Variants in AHI1 observed in about 807,000 individuals in gnomAD.
AHI1 encodes the protein jouberin.
A neutral mutation model predicts 149.3 loss-of-function variants in AHI1; 123 were observed. That is an observed-to-expected ratio of 0.82 (90% CI 0.71 to 0.96). The LOEUF (loss-of-function observed/expected upper bound fraction) is 0.96, where lower values mean the gene tolerates loss of function less well. Among genes scored for constraint, AHI1 ranks in the 40% least tolerant of loss-of-function variants. The pLI, the probability that AHI1 is intolerant of heterozygous loss-of-function variation, is 0.00. For synonymous variants in AHI1, 475 were observed against 459.8 expected, an observed-to-expected ratio of 1.03 and a Z score of -0.42; for missense variants, 1,439 against 1,422.7, an observed-to-expected ratio of 1.01 and a Z score of -0.18.
intron 23 of AHI1, among the ~76,000 whole-genome samples, chr6:135,376,502 GA>G (rs974691563): frequency 6.6e-6 from 1 of 151,982 alleles, no homozygotes; most frequent in African/African-American, 2.4e-5. Context: ...GTACTTTGTA[GA>G]TTTTTTTTAT....
At chr6:135,438,169 G>A (rs1785694219) in intron 15 of AHI1, among the ~76,000 whole-genome samples, 1 of 152,020 alleles carries the variant, frequency 6.6e-6, no homozygotes. Flanking sequence ...AATATTATAT[G>A]CTACATAAAT....
At position 135,365,398 on chromosome 6, in the gene AHI1, G is replaced by C. The variant is rs113810688; in HGVS notation, c.3110-7211C>G. 9.4e-3 allele frequency among the ~76,000 whole-genome samples: 1,429 copies of C among 152,286 alleles called. 18 individuals are homozygous for C. The highest frequency in any genetic ancestry group is 0.032 in the African/African-American group (1,334 of 41,558). ...ATTGAATTTTTTATTGCTTTTGGCAGTACGGTCATTTTCACAATATTGGTT... is the reference window on the plus strand; with the variant it reads ...ATTGAATTTTTTATTGCTTTTGGCACTACGGTCATTTTCACAATATTGGTT... On this transcript the variant is annotated intron_variant, in intron 23 of 28. Transcript: ENST00000265602.
intron 15 of AHI1, among the ~76,000 whole-genome samples, chr6:135,436,175 T>A (rs1195624942): frequency 6.6e-6 from 1 of 152,046 alleles, no homozygotes; most frequent in African/African-American, 2.4e-5. Flanking sequence ...GATAAGCATA[T>A]AAAACCAGGA....
At chr6:135,494,468 C>G (rs1011915866) in intron 3 of AHI1, among the ~76,000 whole-genome samples, 1 of 152,192 alleles carries the variant, frequency 6.6e-6, no homozygotes, top group Non-Finnish European at 1.5e-5. Flanking sequence ...TATCTGCCAG[C>G]AGATTCACCT....
In AHI1 at chr6:135,404,977, C is replaced by G; in HGVS notation, c.2962G>C (p.Glu988Gln). 1 of 1,605,564 alleles carries G rather than the reference C, an allele frequency of 6.2e-7. No homozygotes were observed. Among genetic ancestry groups the G allele is most frequent in the Non-Finnish European group, 8.5e-7 (1 of 1,173,480 alleles). Residue 988 changes from glutamate (E) to glutamine (Q), a missense_variant and splice_region_variant, in exon 22 of 29, where the codon GAG becomes CAG. By Grantham distance (29) the Glu-to-Gln change is conservative (BLOSUM62 2). Coordinates refer to ENST00000265602, the MANE Select transcript of AHI1 (RefSeq NM_001134831.2). Reference sequence around the variant, plus strand: ...TTTGCAGCACAGGAACGTATCACCTCCTAAAAGAAATACAATAAAATAAGG... The same window carrying G: ...TTTGCAGCACAGGAACGTATCACCTGCTAAAAGAAATACAATAAAATAAGG... ...LVKQRLETVT[E>Q]VIRSCAAKVN...
In AHI1 at chr6:135,394,704, A is replaced by G. The variant is rs768357653; in HGVS notation, c.3109+72T>C. 1.9e-6 allele frequency: 3 copies of G among 1,570,266 alleles called. No individual in the cohort carries two copies. The South Asian group carries it at 3.5e-5, about 18-fold the overall frequency. On this transcript the variant is annotated intron_variant, in intron 23 of 28. Coordinates refer to ENST00000265602, the MANE Select transcript of AHI1 (RefSeq NM_001134831.2). ...CATTATGAGCTTTATTTCTAAAGAA[A>G]TAAGTGATATTCATCAACACAACAA...
chr6:135,485,081 T>G (rs9402706), intron 5 of AHI1, among the ~76,000 whole-genome samples: 66,497 of 151,358 alleles, frequency 0.44, 17,624 homozygotes, highest in East Asian at 0.59. Flanking sequence ...TTCTTTTTTT[T>G]TTTTTTTTTA....
At chr6:135,301,587 C>G in intron 26 of AHI1, 1 of 985,360 alleles carries the variant, frequency 1.0e-6, no homozygotes, top group South Asian at 4.7e-5. Context: ...GGATATTATG[C>G]TTTTCTGGAC....
intron 23 of AHI1, among the ~76,000 whole-genome samples, chr6:135,379,743 T>G (rs934344103): frequency 6.6e-6 from 1 of 152,138 alleles, no homozygotes; most frequent in African/African-American, 2.4e-5. Flanking sequence ...ACTCTCCTCC[T>G]TGTTCCCTCC....
intron 6 of AHI1, 77 bp downstream of exon 6, chr6:135,467,504 G>T: frequency 8.7e-7 from 1 of 1,152,032 alleles, no homozygotes. Context: ...AAAAACCATT[G>T]CTGACTGTGT....
intron 23 of AHI1, among the ~76,000 whole-genome samples, chr6:135,360,049 C>T (rs951114151): frequency 2.0e-5 from 3 of 152,056 alleles, no homozygotes; most frequent in East Asian, 3.9e-4. Context: ...TACAATCATG[C>T]ATGTTTGTTC....
chr6:135,367,592 A>G (rs989221271), intron 23 of AHI1, among the ~76,000 whole-genome samples: 1 of 152,080 alleles, frequency 6.6e-6, no homozygotes, highest in African/African-American at 2.4e-5. Context: ...GGTCAATTAG[A>G]AAGCCTTGTC....
intron 16 of AHI1, among the ~76,000 whole-genome samples, chr6:135,432,642 G>C (rs934405409): frequency 6.6e-6 from 1 of 152,016 alleles, no homozygotes; most frequent in Non-Finnish European, 1.5e-5. Flanking sequence ...ACGAACCACC[G>C]CGCCCGGCCA....
intron 5 of AHI1, among the ~76,000 whole-genome samples, chr6:135,485,712 G>A (rs1583482472): frequency 6.6e-6 from 1 of 151,530 alleles, no homozygotes; most frequent in Non-Finnish European, 1.5e-5. Flanking sequence ...CTTTAATTTT[G>A]TATACTTATT....
At chr6:135,453,549 CA>C in intron 10 of AHI1, 113 bp from the exon 11 acceptor site, 1 of 765,516 alleles carries the variant, frequency 1.3e-6, no homozygotes, top group East Asian at 2.7e-5. Flanking sequence ...TTAACCTTTA[CA>C]GGGAATAAAA....
chr6:135,343,561 A>G (rs901869626), intron 24 of AHI1, among the ~76,000 whole-genome samples: 1 of 151,836 alleles, frequency 6.6e-6, no homozygotes, highest in African/African-American at 2.4e-5. Context: ...ATGCAAAAAA[A>G]TTCAGACTCT....
chr6:135,415,843 T>C (rs543058337), intron 20 of AHI1, among the ~76,000 whole-genome samples: 26 of 152,218 alleles, frequency 1.7e-4, no homozygotes, highest in Non-Finnish European at 8.8e-5. Flanking sequence ...AATAAACTAC[T>C]GATAAATGCT....
At chr6:135,338,765 A>G (rs1421693341) in intron 24 of AHI1, among the ~76,000 whole-genome samples, 1 of 152,210 alleles carries the variant, frequency 6.6e-6, no homozygotes, top group African/African-American at 2.4e-5. Context: ...TTACAAGTCA[A>G]CAATCTCACA....
chr6:135,318,475 A>C (rs1388451898), intron 26 of AHI1, 44 bp downstream of exon 26: 1 of 1,217,336 alleles, frequency 8.2e-7, no homozygotes, highest in East Asian at 2.5e-5. Flanking sequence ...AGAGAGAGTG[A>C]AAATCAAAGT....
Sources: allele counts gnomAD v4.1 joint callset (sites outside exome capture counted in the v4.1 genomes callset), GRCh38; gene constraint gnomAD v4.1.1; transcripts MANE v1.5; gene names NCBI Gene and HGNC (gene_info 2026-07-23, HGNC 2026-07-21).